PSTPIP2: variants seen among roughly 807,000 people sequenced by gnomAD.
PSTPIP2 encodes proline-serine-threonine phosphatase-interacting protein 2.
A neutral mutation model predicts 63.3 loss-of-function variants in PSTPIP2; 33 were observed. The ratio of observed to expected loss-of-function variants is 0.52; its 90% CI spans 0.40 to 0.70. The LOEUF (loss-of-function observed/expected upper bound fraction) is 0.70. Among genes scored for constraint, PSTPIP2 ranks in the 30% least tolerant of loss-of-function variants. The pLI is 0.00. For missense variants in PSTPIP2, 312 were observed against 400.7 expected, an observed-to-expected ratio of 0.78 and a Z score of 1.89; for synonymous variants, 125 against 132.7, an observed-to-expected ratio of 0.94 and a Z score of 0.40.
intron 6 of PSTPIP2, among the ~76,000 whole-genome samples, chr18:46,001,968 A>G (rs1599704347): frequency 6.6e-6 from 1 of 152,306 alleles, no homozygotes; most frequent in Admixed American, 6.5e-5. Context: ...ATATCATGCT[A>G]TCATCCCCTT....
chr18:46,028,691 A>T (rs2144100486), intron 2 of PSTPIP2: 1 of 874,372 alleles, frequency 1.1e-6, no homozygotes, highest in Non-Finnish European at 1.9e-6. Context: ...GGTTTCGGAA[A>T]GATAATGATG....
intron 1 of PSTPIP2, among the ~76,000 whole-genome samples, chr18:46,048,064 A>C (rs1418115839): frequency 1.3e-5 from 2 of 152,246 alleles, no homozygotes; most frequent in Non-Finnish European, 2.9e-5. Context: ...TGCAGATGTC[A>C]TTAATGTCTT....
chr18:45,997,920 C>CT, intron 8 of PSTPIP2, 92 bp from the exon 9 acceptor site: 1 of 1,105,572 alleles, frequency 9.0e-7, no homozygotes, highest in Non-Finnish European at 1.4e-6. Context: ...GCAAAAGAAA[C>CT]TCATCCGAGT....
intron 2 of PSTPIP2, among the ~76,000 whole-genome samples, chr18:46,030,395 C>T (rs894370427): frequency 1.3e-5 from 2 of 152,066 alleles, no homozygotes; most frequent in Middle Eastern, 3.4e-3. Flanking sequence ...GATATGAAAA[C>T]ATTTTAACAA....
intron 1 of PSTPIP2, among the ~76,000 whole-genome samples, chr18:46,055,769 C>T (rs1361681929): frequency 2.0e-5 from 3 of 152,204 alleles, no homozygotes; most frequent in Admixed American, 6.5e-5. Context: ...CTTTTTAAAA[C>T]TTGCTAAAAG....
At chr18:45,998,391 G>C (rs1373377896) in intron 8 of PSTPIP2, among the ~76,000 whole-genome samples, 1 of 152,200 alleles carries the variant, frequency 6.6e-6, no homozygotes, top group East Asian at 1.9e-4. Context: ...CAGCAGATAA[G>C]AGCTACCGGG....
intron 1 of PSTPIP2, among the ~76,000 whole-genome samples, chr18:46,059,062 G>C (rs1348956642): frequency 2.0e-5 from 3 of 149,634 alleles, no homozygotes; most frequent in African/African-American, 7.4e-5. Flanking sequence ...TGTGAGATAG[G>C]GTCTCCCTCT....
In PSTPIP2 at chr18:46,020,551, G is replaced by A. The variant is rs1599719953; in HGVS notation, c.212+4058C>T. Reference sequence around the variant, plus strand: ...GCCTATAATCTCAGCTACTCAGGAGGCTGAAGCAGAGAACTGCTTGAACCC... The same window carrying A: ...GCCTATAATCTCAGCTACTCAGGAGACTGAAGCAGAGAACTGCTTGAACCC... On this transcript the variant is annotated intron_variant, in intron 3 of 14. Coordinates refer to ENST00000409746, the MANE Select transcript of PSTPIP2 (RefSeq NM_024430.4). 2.6e-5 allele frequency among the ~76,000 whole-genome samples: 4 copies of A among 152,100 alleles called. No individual in the cohort carries two copies. The South Asian group carries it at 8.3e-4, about 32-fold the overall frequency.
At chr18:46,060,748 A>G (rs9807399) in intron 1 of PSTPIP2, among the ~76,000 whole-genome samples, 2 of 152,060 alleles carry the variant, frequency 1.3e-5, no homozygotes, top group Admixed American at 6.5e-5. Flanking sequence ...GGCTCCGCCC[A>G]GAGGACTGGT....
intron 1 of PSTPIP2, among the ~76,000 whole-genome samples, chr18:46,071,232 G>T (rs559809240): frequency 1.1e-4 from 16 of 152,244 alleles, no homozygotes; most frequent in African/African-American, 3.9e-4. Context: ...GGTGGGTGGT[G>T]GGGGGAGGCA....
chr18:46,030,831 G>A (rs2144102482), intron 2 of PSTPIP2, among the ~76,000 whole-genome samples: 1 of 152,308 alleles, frequency 6.6e-6, no homozygotes, highest in Non-Finnish European at 1.5e-5. Flanking sequence ...CTCAGAACTT[G>A]GCTGAACTTG....
intron 3 of PSTPIP2, among the ~76,000 whole-genome samples, chr18:46,020,925 C>T (rs565587178): frequency 2.2e-4 from 33 of 152,322 alleles, no homozygotes; most frequent in African/African-American, 6.3e-4. Flanking sequence ...AATATCATTT[C>T]GGGTCAGATT....
intron 1 of PSTPIP2, among the ~76,000 whole-genome samples, chr18:46,055,569 T>A (rs1342690457): frequency 1.3e-5 from 2 of 152,198 alleles, no homozygotes; most frequent in East Asian, 3.8e-4. Context: ...GCTGCCTGCC[T>A]CGGCCTCCCA....
At chr18:46,066,632 AC>A (rs1475961705) in intron 1 of PSTPIP2, among the ~76,000 whole-genome samples, 2 of 152,152 alleles carry the variant, frequency 1.3e-5, no homozygotes, top group East Asian at 3.9e-4. Context: ...TTTGTGCTGC[AC>A]CCCTTCTTGA....
At chr18:46,011,935 A>T (rs1031865958) in intron 4 of PSTPIP2, among the ~76,000 whole-genome samples, 10 of 152,238 alleles carry the variant, frequency 6.6e-5, no homozygotes, top group African/African-American at 1.9e-4. Flanking sequence ...AAAAATTTAA[A>T]CTTGTGGGTA....
intron 1 of PSTPIP2, among the ~76,000 whole-genome samples, chr18:46,056,478 C>T (rs1908759334): frequency 6.6e-6 from 1 of 152,192 alleles, no homozygotes; most frequent in Non-Finnish European, 1.5e-5. Flanking sequence ...CTTTGGGAGG[C>T]CAAGGTGGGA....
intron 2 of PSTPIP2, among the ~76,000 whole-genome samples, chr18:46,033,522 A>T (rs967617840): frequency 4.6e-5 from 7 of 151,952 alleles, no homozygotes; most frequent in African/African-American, 1.7e-4. Flanking sequence ...ACATGGTGAA[A>T]CCCGGTCTCT....
At chr18:45,993,561 T>C in intron 10 of PSTPIP2, 44 bp downstream of exon 10, 1 of 1,544,280 alleles carries the variant, frequency 6.5e-7, no homozygotes, top group Non-Finnish European at 9.0e-7. Context: ...CTCTAATGTA[T>C]CCAACATGCA....
chr18:46,069,876 A>G (rs564990376), intron 1 of PSTPIP2, among the ~76,000 whole-genome samples: 1 of 151,748 alleles, frequency 6.6e-6, no homozygotes, highest in East Asian at 1.9e-4. Flanking sequence ...TTCTTTGTGG[A>G]CTTCCGATCT....
Sources: gnomAD v4.1 joint callset for allele counts (sites outside exome capture counted in the v4.1 genomes callset) on GRCh38, gnomAD v4.1.1 for gene constraint, MANE v1.5 for transcripts, NCBI Gene and HGNC (gene_info 2026-07-23, HGNC 2026-07-21) for gene names.